Variants in LHFPL3 observed in about 807,000 individuals in gnomAD.
The protein encoded by LHFPL3 is LHFPL tetraspan subfamily member 3, also known as LHFPL tetraspan subfamily member 3 protein.
In LHFPL3, 5 loss-of-function variants were observed where a neutral mutation model predicts 19.3. That is an observed-to-expected ratio of 0.26 (90% CI 0.14 to 0.54). The LOEUF is 0.54. LHFPL3 is among the 20% of genes least tolerant of loss of function. The pLI is 0.94. For missense variants in LHFPL3, 249 were observed against 307.4 expected (o/e 0.81, Z 1.42); for synonymous variants, 133 against 126.2 (o/e 1.05, Z -0.36).
intron 1 of LHFPL3, among the ~76,000 whole-genome samples, chr7:104,661,462 C>A (rs1792222228): frequency 6.6e-6 from 1 of 152,176 alleles, no homozygotes; most frequent in Non-Finnish European, 1.5e-5. Flanking sequence ...CAACTACAGG[C>A]AATTAAATCA....
chr7:104,549,880 G>C (rs768181988), intron 1 of LHFPL3, among the ~76,000 whole-genome samples: 1 of 152,184 alleles, frequency 6.6e-6, no homozygotes, highest in Non-Finnish European at 1.5e-5. Flanking sequence ...TAATATCATA[G>C]AACTGTAAAA....
At chr7:104,723,600 T>G (rs1290469598) in intron 1 of LHFPL3, among the ~76,000 whole-genome samples, 2 of 151,674 alleles carry the variant, frequency 1.3e-5, no homozygotes, top group Non-Finnish European at 2.9e-5. Flanking sequence ...TGGGCACCTA[T>G]AATCCCAGCT....
intron 1 of LHFPL3, among the ~76,000 whole-genome samples, chr7:104,353,514 C>T (rs1790219017): frequency 6.6e-6 from 1 of 152,170 alleles, no homozygotes; most frequent in African/African-American, 2.4e-5. Context: ...TAAATAAAGG[C>T]AGCAGATTCT....
chr7:104,529,689 T>C (rs994831636), intron 1 of LHFPL3, among the ~76,000 whole-genome samples: 1 of 152,134 alleles, frequency 6.6e-6, no homozygotes, highest in Non-Finnish European at 1.5e-5. Context: ...CAGTTGGATA[T>C]AGAAACTAAT....
intron 1 of LHFPL3, among the ~76,000 whole-genome samples, chr7:104,400,199 A>G (rs925637051): frequency 2.8e-5 from 4 of 141,978 alleles, no homozygotes; most frequent in Admixed American, 7.3e-5. Context: ...ACAGGTTTAT[A>G]TCTTTGAGCA....
chr7:104,724,108 G>A (rs1198602063), intron 1 of LHFPL3, among the ~76,000 whole-genome samples: 7 of 151,858 alleles, frequency 4.6e-5, no homozygotes, highest in Non-Finnish European at 7.3e-5. Context: ...TACTTCTTAG[G>A]ATTAGGAGCA....
At chr7:104,609,834 G>A (rs1003708356) in intron 1 of LHFPL3, among the ~76,000 whole-genome samples, 10 of 152,170 alleles carry the variant, frequency 6.6e-5, no homozygotes, top group African/African-American at 9.7e-5. Flanking sequence ...ACTATTCTGG[G>A]AAGACATGGT....
At chr7:104,334,089 G>A (rs1801617402) in intron 1 of LHFPL3, among the ~76,000 whole-genome samples, 1 of 152,138 alleles carries the variant, frequency 6.6e-6, no homozygotes, top group African/African-American at 2.4e-5. Flanking sequence ...GTGAGTGTTG[G>A]GTATGGTTGC....
chr7:104,592,889 A>C (rs1790756778), intron 1 of LHFPL3, among the ~76,000 whole-genome samples: 1 of 152,156 alleles, frequency 6.6e-6, no homozygotes, highest in Non-Finnish European at 1.5e-5. Flanking sequence ...CCATGGGCTT[A>C]GGACCCTCTG....
intron 1 of LHFPL3, among the ~76,000 whole-genome samples, chr7:104,529,725 G>A (rs1025106161): frequency 3.3e-5 from 5 of 152,268 alleles, no homozygotes; most frequent in African/African-American, 1.2e-4. Flanking sequence ...AACCGGGCTG[G>A]GCCTGAGAGT....
chr7:104,580,961 AT>A (rs772121268), intron 1 of LHFPL3, among the ~76,000 whole-genome samples: 47 of 152,016 alleles, frequency 3.1e-4, no homozygotes, highest in Admixed American at 2.0e-4. Context: ...TTTTCAGTTT[AT>A]GAATATTAAT....
At chr7:104,876,893 T>C (rs1245088347) in intron 2 of LHFPL3, among the ~76,000 whole-genome samples, 1 of 152,182 alleles carries the variant, frequency 6.6e-6, no homozygotes, top group African/African-American at 2.4e-5. Flanking sequence ...CCAACAATGA[T>C]AGACTGGATT....
At chr7:104,801,723 A>C (rs759058410) in intron 2 of LHFPL3, among the ~76,000 whole-genome samples, 1 of 152,032 alleles carries the variant, frequency 6.6e-6, no homozygotes, top group Non-Finnish European at 1.5e-5. Context: ...GGCACGTGCC[A>C]CCACACCCAG....
chr7:104,475,109 T>G (rs972109072), intron 1 of LHFPL3, among the ~76,000 whole-genome samples: 1 of 152,224 alleles, frequency 6.6e-6, no homozygotes, highest in Non-Finnish European at 1.5e-5. Flanking sequence ...TCCTCATATT[T>G]AAAACACCGC....
At chr7:104,646,888 A>AGTGCTGGAATACAAACTGAGAGAG (rs1252253104) in intron 1 of LHFPL3, among the ~76,000 whole-genome samples, 9 of 152,238 alleles carry the variant, frequency 5.9e-5, no homozygotes, top group African/African-American at 2.2e-4. Context: ...AACATGAATA[A>AGTGCTGGAATACAAACTGAGAGAG]GCACAGTGCC....
intron 1 of LHFPL3, among the ~76,000 whole-genome samples, chr7:104,385,732 T>C (rs953907458): frequency 1.3e-5 from 2 of 152,206 alleles, no homozygotes; most frequent in African/African-American, 2.4e-5. Context: ...CTAAGGTAAC[T>C]GCACTTTCTT....
At chr7:104,558,756 T>A (rs1789919495) in intron 1 of LHFPL3, among the ~76,000 whole-genome samples, 1 of 149,072 alleles carries the variant, frequency 6.7e-6, no homozygotes, top group Admixed American at 6.6e-5. Flanking sequence ...TCCTTGCCCA[T>A]GCCTATGTCC....
chr7:104,753,085 A>T (rs890654195), intron 2 of LHFPL3, among the ~76,000 whole-genome samples: 1 of 152,230 alleles, frequency 6.6e-6, no homozygotes, highest in South Asian at 2.1e-4. Flanking sequence ...TAATTTGAGG[A>T]CCACACTTTA....
chr7:104,389,237 A>G (rs1417429782), intron 1 of LHFPL3, among the ~76,000 whole-genome samples: 3 of 152,218 alleles, frequency 2.0e-5, no homozygotes, highest in Non-Finnish European at 4.4e-5. Context: ...GTAATGACCA[A>G]TATGAAAAGG....
Sources: gnomAD v4.1 joint callset for allele counts (sites outside exome capture counted in the v4.1 genomes callset) on GRCh38, gnomAD v4.1.1 for gene constraint, MANE v1.5 for transcripts, NCBI Gene and HGNC (gene_info 2026-07-23, HGNC 2026-07-21) for gene names.